EXOC2: variants seen among roughly 807,000 people sequenced by gnomAD.
EXOC2 encodes the protein SEC5-like 1.
A neutral mutation model predicts 131.8 loss-of-function variants in EXOC2; 70 were observed. The ratio of observed to expected loss-of-function variants is 0.53; its 90% CI spans 0.44 to 0.65. EXOC2 has a LOEUF of 0.65. EXOC2 is among the 30% of genes least tolerant of loss of function. EXOC2 has a pLI of 0.00. For missense variants in EXOC2, 923 were observed against 1,108.6 expected (o/e 0.83, Z 2.38); for synonymous variants, 411 against 398.4 (o/e 1.03, Z -0.38).
intron 24 of EXOC2, 36 bp from the exon 25 acceptor site, chr6:497,525 G>T: frequency 6.4e-7 from 1 of 1,571,728 alleles, no homozygotes; most frequent in Non-Finnish European, 8.6e-7. Flanking sequence ...GCTTTGTGGG[G>T]CTTTTTGACT....
intron 1 of EXOC2, among the ~76,000 whole-genome samples, chr6:677,000 G>C (rs538796052): frequency 1.4e-5 from 1 of 70,952 alleles, no homozygotes; most frequent in African/African-American, 3.8e-5. Flanking sequence ...GCTTTCTCTG[G>C]AGACTGCGGT....
chr6:648,872 C>T lies in EXOC2; in HGVS notation c.-43-11011G>A, dbSNP rs567224055. On this transcript the variant is annotated intron_variant, in intron 1 of 27. Transcript: ENST00000230449. ...AAGTAGCTGGGACCACAGGCATGCA[C>T]CACCATGCCTGCCTAATTTTTGTTA... Among the ~76,000 whole-genome samples, 261 of 151,816 alleles carry T rather than the reference C, an allele frequency of 1.7e-3. 1 individual carries two copies. The highest frequency in any genetic ancestry group is 6.2e-3 in the African/African-American group (255 of 41,402).
intron 1 of EXOC2, among the ~76,000 whole-genome samples, chr6:663,918 G>C (rs550048413): frequency 1.6e-4 from 25 of 152,144 alleles, no homozygotes; most frequent in Non-Finnish European, 3.1e-4. Flanking sequence ...CTTCAACATA[G>C]TACTGCAAGT....
At chr6:531,111 C>T (rs866811911) in intron 23 of EXOC2, among the ~76,000 whole-genome samples, 2 of 152,088 alleles carry the variant, frequency 1.3e-5, no homozygotes, top group Non-Finnish European at 2.9e-5. Flanking sequence ...TGAGCCTCCT[C>T]GAAGGTTTTT....
chr6:499,548 A>C, intron 24 of EXOC2, 97 bp downstream of exon 24: 17 of 1,023,362 alleles, frequency 1.7e-5, no homozygotes, highest in Non-Finnish European at 2.5e-5. Context: ...ATTCTGAGGG[A>C]AAAAAAAGAC....
At chr6:621,556 G>A (rs1053653122) in intron 4 of EXOC2, among the ~76,000 whole-genome samples, 2 of 152,168 alleles carry the variant, frequency 1.3e-5, no homozygotes, top group African/African-American at 4.8e-5. Flanking sequence ...TCTTCACTAT[G>A]TTCCTTTTTT....
intron 1 of EXOC2, among the ~76,000 whole-genome samples, chr6:678,539 T>C (rs769653779): frequency 3.9e-5 from 6 of 152,248 alleles, no homozygotes; most frequent in African/African-American, 7.2e-5. Context: ...TGGTCCTCAA[T>C]TGTTTTAGGA....
intron 1 of EXOC2, among the ~76,000 whole-genome samples, chr6:670,754 T>G (rs549983233): frequency 1.3e-5 from 2 of 152,334 alleles, no homozygotes; most frequent in East Asian, 3.9e-4. Context: ...AAATGTTCTG[T>G]TGCATAAGAC....
intron 11 of EXOC2, among the ~76,000 whole-genome samples, chr6:583,473 C>G (rs532951273): frequency 6.6e-6 from 1 of 152,036 alleles, no homozygotes; most frequent in South Asian, 2.1e-4. Context: ...TGAATAGAAT[C>G]TATTACAAAA....
At chr6:560,134 T>G (rs914054312) in intron 17 of EXOC2, among the ~76,000 whole-genome samples, 7 of 152,186 alleles carry the variant, frequency 4.6e-5, no homozygotes, top group African/African-American at 1.7e-4. Flanking sequence ...TGATCACAAG[T>G]ATTAATTTAA....
intron 7 of EXOC2, among the ~76,000 whole-genome samples, chr6:600,657 C>T (rs1470022189): frequency 1.3e-5 from 2 of 151,220 alleles, no homozygotes; most frequent in African/African-American, 2.4e-5. Flanking sequence ...TTATTAAAGT[C>T]GTAAAATATT....
intron 25 of EXOC2, among the ~76,000 whole-genome samples, chr6:496,350 A>AT (rs1172450418): frequency 2.6e-5 from 4 of 152,128 alleles, no homozygotes; most frequent in South Asian, 4.1e-4. Flanking sequence ...AGGACTGTTG[A>AT]TTTTTTATTT....
At chr6:579,722 T>A (rs1150815) in intron 11 of EXOC2, among the ~76,000 whole-genome samples, 145,200 of 152,266 alleles carry the variant, frequency 0.95, 69,328 homozygotes, top group East Asian at 1. Context: ...CAACACAAAC[T>A]TTTTAAATAC....
Position 633,080 on chromosome 6 carries a change from T to TGCCGTCAGAAG in EXOC2, c.155_156insCTTCTGACGGC (p.Glu53PhefsTer2). The TGCCGTCAGAAG allele has an allele frequency of 6.2e-7, 1 of 1,613,890 alleles. No homozygotes were observed. The highest frequency in any genetic ancestry group is 8.5e-7 in the Non-Finnish European group (1 of 1,180,012). On this transcript the variant is annotated stop_gained and frameshift_variant, in exon 3 of 28. Transcript: ENST00000230449. LOFTEE classifies it high-confidence loss of function. ...CTATTTTACTTGCAGACATCCATTC[T>TGCCGTCAGAAG]GCCGTCAGGAGGCAATTATGTCCAC...
chr6:677,934 TCACACACACACACA>T (rs1554150218), intron 1 of EXOC2, among the ~76,000 whole-genome samples: 2 of 147,204 alleles, frequency 1.4e-5, no homozygotes, highest in African/African-American at 2.5e-5. Flanking sequence ...TTATAATCTC[TCACACACACACACA>T]CACACACACA....
chr6:615,036 G>A (rs958148894), intron 6 of EXOC2, among the ~76,000 whole-genome samples: 7 of 151,936 alleles, frequency 4.6e-5, no homozygotes, highest in African/African-American at 1.7e-4. Context: ...AACAGATAAC[G>A]AAAGGGCCTA....
chr6:511,629 G>GC (rs538447432), intron 23 of EXOC2, among the ~76,000 whole-genome samples: 66 of 152,360 alleles, frequency 4.3e-4, no homozygotes, highest in African/African-American at 1.6e-3. Flanking sequence ...ATTGAACCCA[G>GC]CCCGAGCGGG....
chr6:571,955 A>G (rs375327717), intron 13 of EXOC2, among the ~76,000 whole-genome samples: 26 of 152,350 alleles, frequency 1.7e-4, no homozygotes, highest in African/African-American at 5.3e-4. Context: ...CTTCTATGCT[A>G]TCAGTCATAT....
chr6:660,847 G>A (rs2127760050), intron 1 of EXOC2, among the ~76,000 whole-genome samples: 1 of 152,276 alleles, frequency 6.6e-6, no homozygotes, highest in Middle Eastern at 3.4e-3. Flanking sequence ...TAGTTATTAA[G>A]CTAATCAAGG....
Sources: allele counts gnomAD v4.1 joint callset (sites outside exome capture counted in the v4.1 genomes callset), GRCh38; gene constraint gnomAD v4.1.1; transcripts MANE v1.5; gene names NCBI Gene and HGNC (gene_info 2026-07-23, HGNC 2026-07-21).